MCM8: variants seen among roughly 807,000 people sequenced by gnomAD.
MCM8 encodes the protein minichromosome maintenance 8 homologous recombination repair factor, also known as DNA helicase MCM8.
In MCM8, 85 loss-of-function variants were observed where a neutral mutation model predicts 98.9. The ratio of observed to expected loss-of-function variants is 0.86; its 90% CI spans 0.72 to 1.03. MCM8 has a LOEUF of 1.03. Among genes scored for constraint, MCM8 ranks in the 50% least tolerant of loss-of-function variants. The pLI is 0.00. For synonymous variants in MCM8, 352 were observed against 338.6 expected (o/e 1.04, Z -0.44); for missense variants, 951 against 997.8 (o/e 0.95, Z 0.63).
rs983416314 is a variant in MCM8 at position 5,950,679 on chromosome 20, C to A, written c.-350C>A. On this transcript the variant is annotated 5_prime_UTR_variant, in exon 1 of 19. Transcript: ENST00000610722. ...TTGAGCGGAAGTTGGATCACTGAAG[C>A]GCCAAAAAAGAATTTAGGGGAAGAC... 1.1e-5 allele frequency: 4 copies of A among 373,234 alleles called. No individual in the cohort carries two copies. Among genetic ancestry groups the A allele is most frequent in the Admixed American group, 4.6e-5 (1 of 21,938 alleles). The allele number at this position is 373,234 out of a possible 1,614,324, so 23.1% of individuals were successfully genotyped here.
chr20:5,969,175 T>G (rs2089344514), intron 10 of MCM8, among the ~76,000 whole-genome samples: 1 of 152,228 alleles, frequency 6.6e-6, no homozygotes, highest in Non-Finnish European at 1.5e-5. Flanking sequence ...CTGTTACTTT[T>G]GATAATTTTT....
At chr20:5,983,255 A>T in intron 14 of MCM8, 90 bp downstream of exon 14, 2 of 1,101,032 alleles carry the variant, frequency 1.8e-6, no homozygotes, top group Non-Finnish European at 2.5e-6. Context: ...TACAGGGGAA[A>T]AACATGGATA....
At position 5,983,572 on chromosome 20, in the gene MCM8, C is replaced by A. The variant is rs540874140; in HGVS notation, c.1733+407C>A. On this transcript the variant is annotated intron_variant, in intron 14 of 18. Transcript: ENST00000610722. ...AAAATTAGCCAGGCATGATGGCAGC[C>A]GCCTGTAATCTCAGCTACTTGGGAG... Among the ~76,000 whole-genome samples the A allele has an allele frequency of 3.3e-5, 5 of 152,064 alleles. 1 individual carries two copies. The highest frequency in any genetic ancestry group is 1.2e-4 in the African/African-American group (5 of 41,486).
chr20:5,951,463 A>G (rs536796290), intron 1 of MCM8, among the ~76,000 whole-genome samples: 53 of 151,706 alleles, frequency 3.5e-4, no homozygotes, highest in African/African-American at 1.3e-3. Flanking sequence ...ATTTACTTGT[A>G]TACTTAGGAT....
chr20:5,972,564 T>C (rs773986755), intron 11 of MCM8: 1 of 341,646 alleles, frequency 2.9e-6, no homozygotes, highest in Non-Finnish European at 5.7e-6. Flanking sequence ...TTTATTTATT[T>C]ATTTTTTTGA....
chr20:5,966,820 C>A (rs1187712007), intron 8 of MCM8, among the ~76,000 whole-genome samples: 1 of 152,164 alleles, frequency 6.6e-6, no homozygotes, highest in Non-Finnish European at 1.5e-5. Flanking sequence ...CAGTTTAGCT[C>A]CCTTCACAGA....
At chr20:5,977,794 A>G (rs1032026567) in intron 12 of MCM8, 82 bp from the exon 13 acceptor site, 3 of 1,469,536 alleles carry the variant, frequency 2.0e-6, no homozygotes, top group South Asian at 1.2e-5. Flanking sequence ...CCTAGCATAT[A>G]CCTAACGTTT....
intron 12 of MCM8, among the ~76,000 whole-genome samples, chr20:5,975,497 CTTT>C (rs11476043): frequency 1.4e-4 from 18 of 128,942 alleles, no homozygotes; most frequent in East Asian, 2.2e-4. Context: ...TTTTTTTGCT[CTTT>C]TTTTTTTTTT....
chr20:5,989,834 C>A (rs1454361891), intron 17 of MCM8, among the ~76,000 whole-genome samples: 3 of 152,124 alleles, frequency 2.0e-5, no homozygotes, highest in African/African-American at 4.8e-5. Context: ...AGAAGAGGAA[C>A]CTTTCTCCTT....
At chr20:5,966,155 C>G (rs1190006687) in intron 8 of MCM8, among the ~76,000 whole-genome samples, 1 of 152,066 alleles carries the variant, frequency 6.6e-6, no homozygotes, top group African/African-American at 2.4e-5. Context: ...TCATCTGATT[C>G]TCATTCCTTT....
At chr20:5,987,456 G>T in intron 17 of MCM8, 98 bp downstream of exon 17, 5 of 855,236 alleles carry the variant, frequency 5.8e-6, no homozygotes, top group South Asian at 3.7e-5. Context: ...TAGCCCATTG[G>T]GTCACTTATT....
intron 12 of MCM8, among the ~76,000 whole-genome samples, chr20:5,973,615 A>G (rs1367991074): frequency 6.6e-6 from 1 of 152,120 alleles, no homozygotes; most frequent in Admixed American, 6.5e-5. Context: ...AAGGTGTGGG[A>G]TCTGTCTGTA....
At chr20:5,960,372 C>G (rs1252559543) in intron 7 of MCM8, among the ~76,000 whole-genome samples, 1 of 152,062 alleles carries the variant, frequency 6.6e-6, no homozygotes, top group Non-Finnish European at 1.5e-5. Context: ...CCTTGAACTC[C>G]TGGGCTCAGG....
intron 6 of MCM8, 37 bp from the exon 7 acceptor site, chr20:5,958,488 ACAT>A: frequency 6.6e-7 from 1 of 1,524,044 alleles, no homozygotes; most frequent in Non-Finnish European, 9.0e-7. Flanking sequence ...AATATAAAAA[ACAT>A]CAATTTTCTG....
At chr20:5,983,189 C>A (rs765791840) in intron 14 of MCM8, 24 bp downstream of exon 14, 4 of 1,563,022 alleles carry the variant, frequency 2.6e-6, no homozygotes, top group East Asian at 4.5e-5. Context: ...AATATTTATA[C>A]CTTTAATGTA....
intron 17 of MCM8, among the ~76,000 whole-genome samples, chr20:5,987,792 CT>C (rs922869053): frequency 6.6e-6 from 1 of 152,044 alleles, no homozygotes; most frequent in Non-Finnish European, 1.5e-5. Flanking sequence ...GATCAGTCCC[CT>C]ATTGACACAT....
rs2089791001 is a variant in MCM8, at chr20:5,989,065, T to C, written c.2240+1707T>C. Among the ~76,000 whole-genome samples the C allele has an allele frequency of 3.3e-5, 5 of 151,654 alleles. No homozygotes were observed. In the South Asian group the frequency reaches 1.0e-3, roughly 32 times the overall value. On this transcript the variant is annotated intron_variant, in intron 17 of 18. Coordinates refer to ENST00000610722, the MANE Select transcript of MCM8 (RefSeq NM_032485.6). ...ATGCTCAATAAAGTGACGAATACGG[T>C]TCTGATACATTAGAGAACACTCAGT... is the stretch of plus-strand genomic sequence containing the variant.
Position 5,996,823 on chromosome 20 carries a change from C to T in MCM8, c.*2432C>T, listed in dbSNP as rs944593022. On this transcript the variant is annotated 3_prime_UTR_variant, in exon 19 of 19. Coordinates refer to ENST00000610722, the MANE Select transcript of MCM8 (RefSeq NM_032485.6). ...ACAAAAGTTGTTTAGCTTTCCCTTA[C>T]AATCCAGCTTTTATGGGTGTGCAAA... 2.0e-5 allele frequency: 3 copies of T among 152,238 alleles called. No homozygotes were observed. The highest frequency in any genetic ancestry group is 2.9e-5 in the Non-Finnish European group (2 of 68,044). 9.4% of individuals were successfully genotyped at this position (152,238 alleles called of 1,614,324 possible).
At chr20:5,972,974 T>C in intron 11 of MCM8, 82 bp from the exon 12 acceptor site, 3 of 1,462,702 alleles carry the variant, frequency 2.1e-6, no homozygotes, top group Non-Finnish European at 2.8e-6. Context: ...CAAATTAATA[T>C]TATAGAAGGA....
Sources: allele counts gnomAD v4.1 joint callset (sites outside exome capture counted in the v4.1 genomes callset), GRCh38; gene constraint gnomAD v4.1.1; transcripts MANE v1.5; gene names NCBI Gene and HGNC (gene_info 2026-07-23, HGNC 2026-07-21).